The following DMD variants were observed in gnomAD, a reference collection of about 807,000 sequenced individuals.
DMD encodes mutant dystrophin.
Under a neutral mutation model 330.1 loss-of-function variants are expected in DMD, and 63 were observed. The ratio of observed to expected loss-of-function variants is 0.19; its 90% CI spans 0.16 to 0.24. The LOEUF is 0.24. Among genes scored for constraint, DMD ranks in the 10% least tolerant of loss-of-function variants. DMD has a pLI of 1.00. For missense variants in DMD, 3,344 were observed against 2,684.1 expected, an observed-to-expected ratio of 1.25 and a Z score of -5.43; for synonymous variants, 1,223 against 959.8, an observed-to-expected ratio of 1.27 and a Z score of -5.07.
At chrX:32,698,791 TAG>T (rs2063850626) in intron 8 of DMD, among the ~76,000 whole-genome samples, 1 of 111,689 alleles carries the variant, frequency 9.0e-6, no homozygotes, top group African/African-American at 3.3e-5. Flanking sequence ...ATGAAGATTT[TAG>T]AGTTTAATAT....
chrX:32,716,522 G>A lies in DMD; in HGVS notation c.650-17229C>T, dbSNP rs779048483. On this transcript the variant is annotated intron_variant, in intron 7 of 78. Coordinates refer to ENST00000357033, the MANE Select transcript of DMD (RefSeq NM_004006.3). Reference sequence around the variant, plus strand: ...ATCTTTACAAATTACTCAATCTCAGGTAGTTTATAGCAATGCGAGAAAGGA... The same window carrying A: ...ATCTTTACAAATTACTCAATCTCAGATAGTTTATAGCAATGCGAGAAAGGA... Among the ~76,000 whole-genome samples the A allele has an allele frequency of 1.6e-4, 18 of 111,509 alleles. No individual in the cohort carries two copies. In the East Asian group the frequency reaches 3.4e-3, roughly 21 times the overall value.
At chrX:31,722,179 C>T (rs906605007) in intron 52 of DMD, among the ~76,000 whole-genome samples, 10 of 110,448 alleles carry the variant, frequency 9.1e-5, no homozygotes, top group African/African-American at 1.3e-4. Flanking sequence ...AGTGCAATGG[C>T]GTGATCTCGG....
chrX:31,881,548 C>CT (rs2094068110), intron 47 of DMD, among the ~76,000 whole-genome samples: 1 of 112,152 alleles, frequency 8.9e-6, no homozygotes, highest in Non-Finnish European at 1.9e-5. Context: ...CCCAGAGCAA[C>CT]TTTGAGTCCT....
At chrX:31,449,787 T>TAG (rs35306515) in intron 59 of DMD, among the ~76,000 whole-genome samples, 3,979 of 89,556 alleles carry the variant, frequency 0.044, 109 homozygotes, top group East Asian at 0.12. Flanking sequence ...TATATATATA[T>TAG]ATATATATAT....
rs1389444041 is a variant in DMD at position 32,746,060 on chromosome X, TA to T, written c.650-46768del. Among the ~76,000 whole-genome samples the T allele has an allele frequency of 3.2e-4, 36 of 112,420 alleles. 1 individual carries two copies. Among genetic ancestry groups the T allele is most frequent in the Non-Finnish European group, 4.7e-4 (25 of 53,262 alleles). On this transcript the variant is annotated intron_variant, in intron 7 of 78. Transcript: ENST00000357033. Reference sequence around the variant, plus strand: ...CTGCAAATCATATTCCAACAAGTTGTAAAAATAAGCCATAATTCTTAGAATT... The same window carrying T: ...CTGCAAATCATATTCCAACAAGTTGTAAAATAAGCCATAATTCTTAGAATT...
chrX:32,947,668 A>G (rs1185892732), intron 2 of DMD, among the ~76,000 whole-genome samples: 3 of 112,143 alleles, frequency 2.7e-5, no homozygotes, highest in Non-Finnish European at 5.6e-5. Context: ...GAGGAAAGTC[A>G]TACATTTTTC....
chrX:31,961,416 TAC>T (rs1012774419), intron 45 of DMD, among the ~76,000 whole-genome samples: 14 of 112,168 alleles, frequency 1.2e-4, no homozygotes, highest in African/African-American at 4.2e-4. Context: ...AGAAAGTACT[TAC>T]TGGCCATCTA....
At chrX:32,986,106 A>G (rs1054143347) in intron 2 of DMD, among the ~76,000 whole-genome samples, 1 of 111,868 alleles carries the variant, frequency 8.9e-6, no homozygotes, top group Non-Finnish European at 1.9e-5. Flanking sequence ...CTGCTATTTT[A>G]ATGAGAAAAG....
intron 21 of DMD, among the ~76,000 whole-genome samples, chrX:32,473,188 C>T (rs73451784): frequency 2.2e-3 from 238 of 110,569 alleles, no homozygotes; most frequent in African/African-American, 7.4e-3. Context: ...AGGGATAATC[C>T]AAAAGAAATT....
rs2040272866 is a variant in DMD at position 32,468,386 on chromosome X, C to T, written c.3162+112G>A. 12 of 675,497 alleles carry T rather than the reference C, an allele frequency of 1.8e-5. No homozygotes were observed. The South Asian group carries it at 3.2e-4, about 18-fold the overall frequency. The allele number at this position is 675,497 out of a possible 1,213,427, so 55.7% of individuals were successfully genotyped here. On this transcript the variant is annotated intron_variant, in intron 23 of 78. Transcript: ENST00000357033. The stretch of plus-strand genomic sequence containing the variant: ...TCATGTCTTTTCATCTTCTCACTAA[C>T]TTTGAAAGATGCTGAAGGTCAAATG...
intron 30 of DMD, among the ~76,000 whole-genome samples, chrX:32,404,582 C>A (rs2098106961): frequency 9.0e-6 from 1 of 111,457 alleles, no homozygotes; most frequent in Non-Finnish European, 1.9e-5. Context: ...TTTTCCCCTA[C>A]AAAATGTGCA....
At chrX:32,320,029 T>A (rs764821913) in intron 41 of DMD, among the ~76,000 whole-genome samples, 3 of 111,084 alleles carry the variant, frequency 2.7e-5, no homozygotes, top group East Asian at 5.7e-4. Flanking sequence ...ATACTTATAC[T>A]TAATTCAGTG....
intron 7 of DMD, among the ~76,000 whole-genome samples, chrX:32,741,054 C>T (rs1043032752): frequency 9.0e-6 from 1 of 111,344 alleles, no homozygotes. Context: ...TATTTGGTAA[C>T]CTTTAGAAAA....
chrX:32,304,828 T>C (rs1243648000), intron 42 of DMD, among the ~76,000 whole-genome samples: 2 of 111,430 alleles, frequency 1.8e-5, no homozygotes, highest in Non-Finnish European at 3.8e-5. Context: ...GTTCAAAAGA[T>C]CAGTTTCTAC....
At chrX:32,024,003 G>A (rs1267763997) in intron 44 of DMD, among the ~76,000 whole-genome samples, 1 of 111,203 alleles carries the variant, frequency 9.0e-6, no homozygotes, top group African/African-American at 3.3e-5. Flanking sequence ...CTACCTGGGT[G>A]GTGGGATCAT....
At chrX:32,259,331 C>T (rs1206681553) in intron 43 of DMD, among the ~76,000 whole-genome samples, 1 of 111,113 alleles carries the variant, frequency 9.0e-6, no homozygotes, top group Admixed American at 9.7e-5. Flanking sequence ...GACTCTTTTA[C>T]ATTTAATATG....
At chrX:32,620,440 T>C (rs1425749067) in intron 11 of DMD, among the ~76,000 whole-genome samples, 4 of 112,404 alleles carry the variant, frequency 3.6e-5, no homozygotes, top group Admixed American at 1.9e-4. Flanking sequence ...TTACAATAAT[T>C]TAGATTGCAC....
At chrX:31,516,967 C>A (rs773666737) in intron 55 of DMD, among the ~76,000 whole-genome samples, 1 of 111,381 alleles carries the variant, frequency 9.0e-6, no homozygotes, top group African/African-American at 3.3e-5. Flanking sequence ...GCTTTCTCTC[C>A]TTGTGTGACC....
chrX:32,097,309 T>C (rs185388849), intron 44 of DMD, among the ~76,000 whole-genome samples: 121 of 111,058 alleles, frequency 1.1e-3, no homozygotes, highest in African/African-American at 3.7e-3. Flanking sequence ...GTCCATGTGT[T>C]CTCATTGCTC....
Sources: gnomAD v4.1 joint callset for allele counts (sites outside exome capture counted in the v4.1 genomes callset) on GRCh38, gnomAD v4.1.1 for gene constraint, MANE v1.5 for transcripts, NCBI Gene and HGNC (gene_info 2026-07-23, HGNC 2026-07-21) for gene names.